LCOR: variants seen among roughly 807,000 people sequenced by gnomAD.
LCOR encodes ligand-dependent corepressor.
A neutral mutation model predicts 64.4 loss-of-function variants in LCOR; 14 were observed. The observed-to-expected ratio is 0.22, with a 90% CI of 0.14 to 0.34. The LOEUF (loss-of-function observed/expected upper bound fraction) is 0.34. Among genes scored for constraint, LCOR ranks in the 10% least tolerant of loss-of-function variants. The pLI is 1.00. For synonymous variants in LCOR, 643 were observed against 642.5 expected (o/e 1.00, Z -0.01); for missense variants, 1,686 against 1,765.3 (o/e 0.96, Z 0.80).
chr10:96,862,949 C>G (rs1351221340), intron 2 of LCOR, among the ~76,000 whole-genome samples: 1 of 150,188 alleles, frequency 6.7e-6, no homozygotes, highest in African/African-American at 2.5e-5. Context: ...GGCATGATCT[C>G]AGCTCACTGC....
At chr10:96,932,466 A>AT (rs1847277520) in intron 4 of LCOR, among the ~76,000 whole-genome samples, 3 of 150,454 alleles carry the variant, frequency 2.0e-5, no homozygotes, top group Admixed American at 2.0e-4. Context: ...ATTTTATTTT[A>AT]TTTATTTTTA....
intron 7 of LCOR, among the ~76,000 whole-genome samples, chr10:96,975,809 G>A (rs1848035022): frequency 6.6e-6 from 1 of 152,116 alleles, no homozygotes; most frequent in African/African-American, 2.4e-5. Flanking sequence ...GAGGTCAGGA[G>A]TTCGAGACCA....
chr10:96,868,260 T>C (rs2039719291), intron 2 of LCOR, among the ~76,000 whole-genome samples: 1 of 149,232 alleles, frequency 6.7e-6, no homozygotes. Context: ...TGATTACTTT[T>C]TTCTTTTCTT....
Position 96,987,403 on chromosome 10 carries a change from G to A in LCOR, c.*2269G>A, listed in dbSNP as rs2134569855. ...GGATTAGGTTAGGGAGAGGTGTAAGGTAGTAAGTGGGTGGAACTTTTCCAG... is the reference window on the plus strand; with the variant it reads ...GGATTAGGTTAGGGAGAGGTGTAAGATAGTAAGTGGGTGGAACTTTTCCAG... On this transcript the variant is annotated 3_prime_UTR_variant, in exon 8 of 8. Transcript: ENST00000421806. 6.6e-6 allele frequency: 1 copy of A among 152,276 alleles called. No homozygotes were observed. Among genetic ancestry groups the A allele is most frequent in the South Asian group, 2.1e-4 (1 of 4,812 alleles). 9.4% of individuals were successfully genotyped at this position (152,276 alleles called of 1,614,324 possible).
chr10:96,983,142 G>A lies in LCOR; in HGVS notation c.2682G>A (p.Glu894=). The change falls in exon 8 of 8, where the codon GAG becomes GAA. Residue 894 remains glutamate (E), a synonymous_variant. Coordinates refer to ENST00000421806, the MANE Select transcript of LCOR (RefSeq NM_001346516.2). This position sits in a 1 kb window ranked among gnomAD's most constrained non-coding sequence, Gnocchi z 4.5. The part of the protein sequence containing the change: ...EKPSVNERPS[E]KDAEQEGEGG... ...CAAGTGTCAATGAACGCCCCTCTGA[G>A]AAAGATGCTGAGCAGGAGGGCGAAG... 1 of 1,613,970 alleles carries A rather than the reference G, an allele frequency of 6.2e-7. No homozygotes were observed. The highest frequency in any genetic ancestry group is 8.5e-7 in the Non-Finnish European group (1 of 1,179,918).
intron 7 of LCOR, among the ~76,000 whole-genome samples, chr10:96,970,633 AT>A (rs1423029989): frequency 9.4e-5 from 13 of 138,208 alleles, no homozygotes; most frequent in African/African-American, 3.3e-4. Context: ...TATTTATTTT[AT>A]TTTATTTTAT....
At chr10:96,933,407 T>C (rs1847296473) in intron 4 of LCOR, among the ~76,000 whole-genome samples, 1 of 152,218 alleles carries the variant, frequency 6.6e-6, no homozygotes, top group Non-Finnish European at 1.5e-5. Context: ...TAAATTTTTA[T>C]TGATAAATGG....
chr10:96,868,125 C>A (rs1209703077), intron 2 of LCOR, among the ~76,000 whole-genome samples: 4 of 151,932 alleles, frequency 2.6e-5, no homozygotes, highest in Non-Finnish European at 4.4e-5. Context: ...CTCAGGTGAT[C>A]CACCCGCCTC....
chr10:96,898,788 TG>T (rs1846585236), intron 2 of LCOR, among the ~76,000 whole-genome samples: 1 of 152,214 alleles, frequency 6.6e-6, no homozygotes, highest in Non-Finnish European at 1.5e-5. Flanking sequence ...TATTTTGTTA[TG>T]GGCATGAAGC....
intron 4 of LCOR, among the ~76,000 whole-genome samples, chr10:96,924,707 A>G (rs1279906272): frequency 6.6e-6 from 1 of 152,062 alleles, no homozygotes; most frequent in African/African-American, 2.4e-5. Flanking sequence ...TACTACTTAC[A>G]ACGCAGGCAT....
At chr10:96,887,282 C>G (rs953197546) in intron 2 of LCOR, among the ~76,000 whole-genome samples, 4 of 152,124 alleles carry the variant, frequency 2.6e-5, no homozygotes, top group Non-Finnish European at 5.9e-5. Flanking sequence ...AAATATACTA[C>G]TTTGGCCGGG....
In LCOR at chr10:96,838,029, G is replaced by T. The variant is rs532699027; in HGVS notation, c.-330+4550G>T. Among the ~76,000 whole-genome samples, 354 of 152,316 alleles carry T rather than the reference G, an allele frequency of 2.3e-3. 5 individuals are homozygous for T. Among genetic ancestry groups the T allele is most frequent in the African/African-American group, 7.7e-3 (321 of 41,570 alleles). ...GTATAAATTATTTTCTAGTCTATCTGTGTTTATTTTTAAATTCCTTTTACT... is the reference window on the plus strand; with the variant it reads ...GTATAAATTATTTTCTAGTCTATCTTTGTTTATTTTTAAATTCCTTTTACT... On this transcript the variant is annotated intron_variant, in intron 2 of 7. Coordinates refer to ENST00000421806, the MANE Select transcript of LCOR (RefSeq NM_001346516.2).
chr10:96,911,093 CTTTTTT>C (rs71007308), intron 4 of LCOR, among the ~76,000 whole-genome samples: 7 of 114,170 alleles, frequency 6.1e-5, no homozygotes, highest in Non-Finnish European at 8.7e-5. Context: ...TACATGTTCC[CTTTTTT>C]TTTTTTTTTT....
chr10:96,860,447 C>T (rs1044512892), intron 2 of LCOR, among the ~76,000 whole-genome samples: 2 of 152,148 alleles, frequency 1.3e-5, no homozygotes, highest in African/African-American at 4.8e-5. Flanking sequence ...CTGGCAACCA[C>T]CGGAAGCTAG....
chr10:96,943,148 G>A (rs1847525916), intron 4 of LCOR, among the ~76,000 whole-genome samples: 1 of 152,100 alleles, frequency 6.6e-6, no homozygotes, highest in African/African-American at 2.4e-5. Flanking sequence ...CACCCAAGCT[G>A]GAGTGCAGTG....
At chr10:96,907,186 C>CTT (rs36105185) in intron 2 of LCOR, 79 bp from the exon 3 acceptor site, 374 of 386,000 alleles carry the variant, frequency 9.7e-4, no homozygotes, top group East Asian at 1.8e-3. Flanking sequence ...AAAACACCAT[C>CTT]TTTTTTTTTT....
At chr10:96,958,251 C>T in intron 7 of LCOR, 1 of 1,324,860 alleles carries the variant, frequency 7.5e-7, no homozygotes, top group Non-Finnish European at 9.7e-7. Context: ...AAAATCTGGC[C>T]CTAAAAGTTC....
chr10:96,908,190 TC>T (rs1184756379), intron 4 of LCOR: 1 of 151,990 alleles, frequency 6.6e-6, no homozygotes, highest in African/African-American at 2.4e-5. Flanking sequence ...TAGGGTTTTA[TC>T]ATATTGGGCA....
At chr10:96,945,480 A>G (rs146952080) in intron 5 of LCOR, among the ~76,000 whole-genome samples, 2,156 of 152,264 alleles carry the variant, frequency 0.014, 83 homozygotes, top group Admixed American at 0.081. Flanking sequence ...AACACCCACT[A>G]GCACCTCCTG....
Sources: gnomAD v4.1 joint callset for allele counts (sites outside exome capture counted in the v4.1 genomes callset) on GRCh38, gnomAD v4.1.1 for gene constraint, Gnocchi (gnomAD v3.1) non-coding constraint, MANE v1.5 for transcripts, NCBI Gene and HGNC (gene_info 2026-07-23, HGNC 2026-07-21) for gene names.